Variants in PI4KA observed in about 807,000 individuals in gnomAD.
PI4KA encodes PI4-kinase alpha.
Under a neutral mutation model 271.4 loss-of-function variants are expected in PI4KA, and 122 were observed. That is an observed-to-expected ratio of 0.45 (90% CI 0.39 to 0.52). PI4KA has a LOEUF of 0.52. Ranked by LOEUF, PI4KA falls within the 20% of genes least tolerant of loss-of-function variation. The pLI, the probability that PI4KA is intolerant of heterozygous loss-of-function variation, is 0.00. For synonymous variants in PI4KA, 1,041 were observed against 1,078.8 expected, an observed-to-expected ratio of 0.96 and a Z score of 0.69; for missense variants, 1,969 against 2,769.1, an observed-to-expected ratio of 0.71 and a Z score of 6.48.
At chr22:20,852,877 A>G (rs2147827291) in intron 1 of PI4KA, among the ~76,000 whole-genome samples, 1 of 152,322 alleles carries the variant, frequency 6.6e-6, no homozygotes, top group Non-Finnish European at 1.5e-5. Context: ...GAATTAACTC[A>G]TCTTATGGAG....
At chr22:20,755,396 A>G (rs912827950) in intron 23 of PI4KA, among the ~76,000 whole-genome samples, 1 of 152,110 alleles carries the variant, frequency 6.6e-6, no homozygotes, top group South Asian at 2.1e-4. Flanking sequence ...CCTAGAATCA[A>G]CCATTTCTCC....
intron 1 of PI4KA, among the ~76,000 whole-genome samples, chr22:20,857,667 A>G (rs1240692155): frequency 2.6e-5 from 4 of 152,218 alleles, no homozygotes; most frequent in Non-Finnish European, 4.4e-5. Context: ...CCTGTGCAAG[A>G]TGCTTTATGC....
At chr22:20,727,476 G>A in intron 40 of PI4KA, 79 bp from the exon 41 acceptor site, 5 of 1,319,696 alleles carry the variant, frequency 3.8e-6, no homozygotes, top group Non-Finnish European at 5.1e-6. Context: ...GGCCACACAA[G>A]GACGGCCATG....
At chr22:20,776,894 C>T (rs1252192063) in intron 19 of PI4KA, among the ~76,000 whole-genome samples, 2 of 152,100 alleles carry the variant, frequency 1.3e-5, no homozygotes, top group South Asian at 2.1e-4. Flanking sequence ...CATCTTCAGG[C>T]CTACTGAGTT....
intron 1 of PI4KA, among the ~76,000 whole-genome samples, chr22:20,849,577 G>A (rs752248256): frequency 6.6e-6 from 1 of 152,192 alleles, no homozygotes; most frequent in Non-Finnish European, 1.5e-5. Flanking sequence ...ATCATGGCAG[G>A]TGCAGTGGCT....
chr22:20,725,472 A>AT (rs1927234062), intron 42 of PI4KA: 4 of 432,848 alleles, frequency 9.2e-6, no homozygotes, highest in South Asian at 6.5e-5. Flanking sequence ...TATAGAGATG[A>AT]TTAAGGTAAA....
intron 39 of PI4KA, among the ~76,000 whole-genome samples, 178 bp downstream of exon 39, chr22:20,729,135 G>A (rs188548769): frequency 6.6e-6 from 1 of 152,310 alleles, no homozygotes; most frequent in East Asian, 1.9e-4. Context: ...AGGGTTGCTG[G>A]GTTATCTCTG....
intron 19 of PI4KA, among the ~76,000 whole-genome samples, chr22:20,782,304 C>A (rs759446973): frequency 1.4e-4 from 21 of 152,164 alleles, no homozygotes; most frequent in Non-Finnish European, 5.9e-5. Context: ...AACACAGTAA[C>A]CCGTGTCATA....
chr22:20,793,316 A>G, intron 18 of PI4KA, 73 bp from the exon 19 acceptor site: 1 of 842,496 alleles, frequency 1.2e-6, no homozygotes. Context: ...CACAAGATAC[A>G]ACATAGTGTT....
At chr22:20,727,614 C>T in intron 40 of PI4KA, 160 bp downstream of exon 40, 3 of 690,026 alleles carry the variant, frequency 4.3e-6, no homozygotes, top group East Asian at 2.7e-5. Context: ...ATAAATGCTA[C>T]AGACAAGAAA....
At chr22:20,718,566 G>A (rs1926301987) in intron 44 of PI4KA, 127 bp downstream of exon 44, 3 of 1,136,188 alleles carry the variant, frequency 2.6e-6, no homozygotes, top group South Asian at 2.5e-5. Flanking sequence ...CGGCCCCGCT[G>A]CTAGAGACTC....
At chr22:20,808,661 G>A (rs1935817463) in intron 9 of PI4KA, among the ~76,000 whole-genome samples, 1 of 151,142 alleles carries the variant, frequency 6.6e-6, no homozygotes, top group Admixed American at 6.6e-5. Flanking sequence ...GAAAATTATG[G>A]TTTATCATAA....
rs1412580683 is a variant in PI4KA, at chr22:20,710,983, T to C, written c.5924-125A>G. The stretch of plus-strand genomic sequence containing the variant: ...ACCCCCTCCACCCCCAACAGGCAGG[T>C]TGTGTTTTCTTGGAGACAGTGATGG... On this transcript the variant is annotated intron_variant, in intron 51 of 54. Coordinates refer to ENST00000255882, the MANE Select transcript of PI4KA (RefSeq NM_058004.4). 5 of 992,090 alleles carry C rather than the reference T, an allele frequency of 5.0e-6. No individual in the cohort carries two copies. In the African/African-American group the frequency reaches 6.4e-5, roughly 13 times the overall value. The allele number at this position is 992,090 out of a possible 1,614,324, so 61.5% of individuals were successfully genotyped here.
intron 23 of PI4KA, among the ~76,000 whole-genome samples, chr22:20,760,825 G>T (rs1035206244): frequency 2.6e-5 from 4 of 152,096 alleles, no homozygotes; most frequent in Non-Finnish European, 5.9e-5. Context: ...GTGCACTCAG[G>T]GTCTGACGAC....
intron 45 of PI4KA, among the ~76,000 whole-genome samples, chr22:20,716,100 G>A (rs1925973633): frequency 1.3e-5 from 2 of 152,098 alleles, no homozygotes; most frequent in South Asian, 4.1e-4. Context: ...ATCCAGGCTG[G>A]AGCGCAGTGG....
intron 19 of PI4KA, among the ~76,000 whole-genome samples, chr22:20,780,775 C>CAAAA (rs538327544): frequency 6.4e-4 from 43 of 67,698 alleles, no homozygotes; most frequent in South Asian, 1.1e-3. Context: ...GACTCCATCT[C>CAAAA]AAAAAAAAAA....
rs1299476831 is a variant in PI4KA, at chr22:20,802,027, CTCT to C, written c.1667_1669del (p.Lys556del). The C allele has an allele frequency of 4.3e-6, 7 of 1,614,174 alleles. No individual in the cohort carries two copies. Among genetic ancestry groups the C allele is most frequent in the Non-Finnish European group, 5.9e-6 (7 of 1,180,002 alleles). On this transcript the variant is annotated inframe_deletion, in exon 14 of 55. Transcript: ENST00000255882. ...GAGCTGCTCGTACATGGAGGGCTGG[CTCT>C]TCTTACCCGACATGACGTTCAGGGT...
At chr22:20,804,249 G>A in intron 12 of PI4KA, 51 bp downstream of exon 12, 3 of 1,206,264 alleles carry the variant, frequency 2.5e-6, no homozygotes, top group East Asian at 4.6e-5. Context: ...CGTGACAAGA[G>A]GGAGGCCCTA....
chr22:20,804,029 A>G (rs893909117), intron 12 of PI4KA, among the ~76,000 whole-genome samples: 5 of 152,218 alleles, frequency 3.3e-5, no homozygotes, highest in African/African-American at 9.6e-5. Context: ...CTTCCCCCAC[A>G]GGCCTTGGGA....
Sources: allele counts gnomAD v4.1 joint callset (sites outside exome capture counted in the v4.1 genomes callset), GRCh38; gene constraint gnomAD v4.1.1; transcripts MANE v1.5; gene names NCBI Gene and HGNC (gene_info 2026-07-23, HGNC 2026-07-21).